Variants in SORCS2 observed in about 807,000 individuals in gnomAD.
SORCS2 encodes the protein VPS10 domain-containing receptor SorCS2.
SORCS2 carries 100 observed loss-of-function variants against 141.6 expected under a neutral mutation model. The ratio of observed to expected loss-of-function variants is 0.71; its 90% CI spans 0.60 to 0.83. SORCS2 has a LOEUF of 0.83. Ranked by LOEUF, SORCS2 falls within the 40% of genes least tolerant of loss-of-function variation. The pLI is 0.00. For missense variants in SORCS2, 1,646 were observed against 1,560.2 expected (o/e 1.05, Z -0.93); for synonymous variants, 789 against 676.9 (o/e 1.17, Z -2.57).
Position 7,597,990 on chromosome 4 carries a change from A to G in SORCS2, c.649-40338A>G, listed in dbSNP as rs1372847251. ...TTTTTTTTTTTTTTTTTTTTTTAATATGGAGTCTTGCCCTGTTGCCCAGGC... is the reference window on the plus strand; with the variant it reads ...TTTTTTTTTTTTTTTTTTTTTTAATGTGGAGTCTTGCCCTGTTGCCCAGGC... On this transcript the variant is annotated intron_variant, in intron 3 of 26. Transcript: ENST00000507866. Among the ~76,000 whole-genome samples, 6 of 121,360 alleles carry G rather than the reference A, an allele frequency of 4.9e-5. No homozygotes were observed. The East Asian group carries it at 1.2e-3, about 25-fold the overall frequency. 79.6% of individuals were successfully genotyped at this position (121,360 alleles called of 152,430 possible). A position where few individuals can be genotyped will look rare whatever the true frequency, so the allele number is the denominator to read the frequency against.
At chr4:7,427,526 T>TAC (rs1726533277) in intron 2 of SORCS2, among the ~76,000 whole-genome samples, 1 of 152,142 alleles carries the variant, frequency 6.6e-6, no homozygotes, top group Non-Finnish European at 1.5e-5. Context: ...ACTTGGAGCA[T>TAC]ACTTCCTCCT....
At chr4:7,729,814 G>A (rs1047864070) in intron 23 of SORCS2, 102 bp downstream of exon 23, 81 of 1,473,616 alleles carry the variant, frequency 5.5e-5, no homozygotes, top group Non-Finnish European at 7.0e-5. Context: ...TGGCATAAAG[G>A]CGTCTTTCTC....
At chr4:7,731,541 G>A (rs1365483337) in intron 23 of SORCS2, among the ~76,000 whole-genome samples, 2 of 152,180 alleles carry the variant, frequency 1.3e-5, no homozygotes, top group Admixed American at 1.3e-4. Flanking sequence ...AAAGCTGGAA[G>A]CGTCACACTC....
chr4:7,724,353 A>T (rs116267287), intron 19 of SORCS2, among the ~76,000 whole-genome samples: 3,330 of 123,798 alleles, frequency 0.027, 2 homozygotes, highest in African/African-American at 0.11. Context: ...TGGTAACAGT[A>T]GTGGTAGTAA....
chr4:7,560,084 C>A (rs1314221811), intron 3 of SORCS2, among the ~76,000 whole-genome samples: 1 of 152,236 alleles, frequency 6.6e-6, no homozygotes, highest in Non-Finnish European at 1.5e-5. Context: ...ACAGTCTGAA[C>A]AAATGCTCAC....
At chr4:7,702,552 C>T (rs575614480) in intron 12 of SORCS2, among the ~76,000 whole-genome samples, 494 of 152,284 alleles carry the variant, frequency 3.2e-3, no homozygotes, top group African/African-American at 9.1e-3. Flanking sequence ...TGTCCCCTCC[C>T]GGGTGAGCCC....
intron 4 of SORCS2, among the ~76,000 whole-genome samples, chr4:7,646,696 G>A (rs560324882): frequency 2.0e-5 from 3 of 152,276 alleles, no homozygotes; most frequent in South Asian, 2.1e-4. Context: ...GGGAGAAGGC[G>A]GCGTTTGCAA....
At chr4:7,585,520 A>G (rs1716480799) in intron 3 of SORCS2, among the ~76,000 whole-genome samples, 1 of 152,240 alleles carries the variant, frequency 6.6e-6, no homozygotes, top group South Asian at 2.1e-4. Context: ...ACTGCAGAAC[A>G]AATCACAGGA....
chr4:7,368,384 C>T (rs1003199376), intron 1 of SORCS2, among the ~76,000 whole-genome samples: 3 of 152,262 alleles, frequency 2.0e-5, no homozygotes, highest in African/African-American at 7.2e-5. Flanking sequence ...AGCCCACCCT[C>T]CCACGGGCCT....
intron 3 of SORCS2, among the ~76,000 whole-genome samples, chr4:7,579,009 C>A (rs1715961945): frequency 6.6e-6 from 1 of 152,162 alleles, no homozygotes; most frequent in Admixed American, 6.5e-5. Flanking sequence ...ATCTCACAGA[C>A]TGGGATGTGT....
Position 7,682,783 on chromosome 4 carries a change from T to A in SORCS2, c.1382T>A (p.Ile461Asn). 1 of 1,612,374 alleles carries A rather than the reference T, an allele frequency of 6.2e-7. No individual in the cohort carries two copies. The highest frequency in any genetic ancestry group is 8.5e-7 in the Non-Finnish European group (1 of 1,179,180). ...VKGVFLANQK[I>N]DGKVMTLITY... is the part of the protein sequence containing the mutation. ...GGAGTCTTCCTGGCAAACCAAAAAA[T>A]TGATGGGAAAGTGATGACGCTTATA... The change falls in exon 10 of 27, where the codon ATT (isoleucine) becomes AAT (asparagine). Residue 461 changes from isoleucine to asparagine, a missense_variant. Transcript: ENST00000507866.
intron 1 of SORCS2, among the ~76,000 whole-genome samples, chr4:7,208,269 C>G (rs957948664): frequency 2.6e-5 from 4 of 152,148 alleles, no homozygotes; most frequent in Admixed American, 2.0e-4. Flanking sequence ...CGGGGCATGT[C>G]GGGACTGAAC....
At position 7,491,194 on chromosome 4, in the gene SORCS2, C is replaced by G. The variant is rs959539742; in HGVS notation, c.549-40336C>G. 5.3e-5 allele frequency among the ~76,000 whole-genome samples: 8 copies of G among 152,352 alleles called. No individual in the cohort carries two copies. In the East Asian group the frequency reaches 5.8e-4, roughly 11 times the overall value. The stretch of plus-strand genomic sequence containing the variant: ...CCTCTGAACACAGGGCACTGATTTT[C>G]CCTTCCAGGCCTTGGCACATGCTGT... On this transcript the variant is annotated intron_variant, in intron 2 of 26. Coordinates refer to ENST00000507866, the MANE Select transcript of SORCS2 (RefSeq NM_020777.3).
intron 2 of SORCS2, among the ~76,000 whole-genome samples, chr4:7,445,689 C>T (rs1441836761): frequency 3.9e-5 from 6 of 152,170 alleles, no homozygotes; most frequent in Non-Finnish European, 8.8e-5. Flanking sequence ...TGGCATTGCT[C>T]AGGATGTTGT....
Position 7,233,625 on chromosome 4 carries a change from C to T in SORCS2, c.480+40499C>T, listed in dbSNP as rs969692477. ...GCGGTCACCGTGGAGTGCAGCGCTT[C>T]TCAGGTGGGACGTTCTAAGGTCCCC... is the stretch of plus-strand genomic sequence containing the variant. On this transcript the variant is annotated intron_variant, in intron 1 of 26. Coordinates refer to ENST00000507866, the MANE Select transcript of SORCS2 (RefSeq NM_020777.3). The surrounding 1 kb of genome is among the most constrained non-coding windows in gnomAD (Gnocchi z 4.5). Among the ~76,000 whole-genome samples, 2 of 152,146 alleles carry T rather than the reference C, an allele frequency of 1.3e-5. No individual in the cohort carries two copies. Among genetic ancestry groups the T allele is most frequent in the African/African-American group, 4.8e-5 (2 of 41,424 alleles).
chr4:7,568,312 A>G (rs1715160389), intron 3 of SORCS2, among the ~76,000 whole-genome samples: 1 of 152,258 alleles, frequency 6.6e-6, no homozygotes, highest in South Asian at 2.1e-4. Context: ...ACAAGTTAGC[A>G]AGTATCTATG....
At chr4:7,547,129 A>T (rs1713321660) in intron 3 of SORCS2, among the ~76,000 whole-genome samples, 1 of 152,266 alleles carries the variant, frequency 6.6e-6, no homozygotes, top group Non-Finnish European at 1.5e-5. Context: ...CATTTATCAC[A>T]TGAACAGTGC....
chr4:7,526,231 C>A (rs1306234072), intron 2 of SORCS2, among the ~76,000 whole-genome samples: 3 of 152,250 alleles, frequency 2.0e-5, no homozygotes, highest in Admixed American at 6.5e-5. Context: ...AGCCCCACAC[C>A]TTCAGAAGAC....
intron 1 of SORCS2, among the ~76,000 whole-genome samples, chr4:7,200,335 T>C (rs1291081028): frequency 6.6e-6 from 1 of 152,086 alleles, no homozygotes; most frequent in African/African-American, 2.4e-5. Context: ...AACACATTAG[T>C]GCTGCCTTCC....
Sources: gnomAD v4.1 joint callset for allele counts (sites outside exome capture counted in the v4.1 genomes callset) on GRCh38, gnomAD v4.1.1 for gene constraint, Gnocchi (gnomAD v3.1) non-coding constraint, MANE v1.5 for transcripts, NCBI Gene and HGNC (gene_info 2026-07-23, HGNC 2026-07-21) for gene names.